The following ZDHHC2 variants were observed in gnomAD, a reference collection of about 807,000 sequenced individuals.
ZDHHC2 encodes the protein zDHHC palmitoyltransferase 2, also known as palmitoyltransferase ZDHHC2.
A neutral mutation model predicts 55.6 loss-of-function variants in ZDHHC2; 51 were observed. That is an observed-to-expected ratio of 0.92 (90% CI 0.73 to 1.16). The LOEUF (loss-of-function observed/expected upper bound fraction) is 1.16, where lower values mean the gene tolerates loss of function less well. Ranked by LOEUF, ZDHHC2 falls within the 50% of genes most tolerant of loss-of-function variation. The pLI, the probability that ZDHHC2 is intolerant of heterozygous loss-of-function variation, is 0.00. For missense variants in ZDHHC2, 491 were observed against 442.4 expected (o/e 1.11, Z -0.99); for synonymous variants, 199 against 152.9 (o/e 1.30, Z -2.22).
chr8:17,185,659 C>CA (rs1483503137), intron 2 of ZDHHC2, among the ~76,000 whole-genome samples: 1 of 150,794 alleles, frequency 6.6e-6, no homozygotes, highest in East Asian at 2.0e-4. Flanking sequence ...GACCCTGTCT[C>CA]AAAAAAAAGG....
Position 17,195,503 on chromosome 8 carries a change from G to C in ZDHHC2, c.253-1G>C. 2 of 1,612,150 alleles carry C rather than the reference G, an allele frequency of 1.2e-6. No individual in the cohort carries two copies. The highest frequency in any genetic ancestry group is 4.5e-5 in the East Asian group (2 of 44,808). ...GATTAAGATTTAAATGTATTCCACA[G>C]TTCCATCTCTCTTATGCAGAGAAAG... is the stretch of plus-strand genomic sequence containing the variant. On this transcript the variant is annotated splice_acceptor_variant, in intron 3 of 12. Transcript: ENST00000262096. LOFTEE classifies it high-confidence loss of function.
intron 1 of ZDHHC2, among the ~76,000 whole-genome samples, chr8:17,161,631 G>A (rs1384692120): frequency 1.3e-5 from 2 of 152,174 alleles, no homozygotes; most frequent in African/African-American, 2.4e-5. Flanking sequence ...GCCAAGGTGG[G>A]AGGATCACTT....
In ZDHHC2 at chr8:17,170,877, A is replaced by G. The variant is rs556179184; in HGVS notation, c.131-13912A>G. On this transcript the variant is annotated intron_variant, in intron 1 of 12. Coordinates refer to ENST00000262096, the MANE Select transcript of ZDHHC2 (RefSeq NM_016353.5). ...TACCAATAAATAAATACATCCACAC[A>G]TATATAAGAAAGTTGAGTGTTACAT... Among the ~76,000 whole-genome samples, 6 of 152,352 alleles carry G rather than the reference A, an allele frequency of 3.9e-5. No individual in the cohort carries two copies. The South Asian group carries it at 1.2e-3, about 32-fold the overall frequency.
intron 1 of ZDHHC2, among the ~76,000 whole-genome samples, chr8:17,163,433 G>C (rs1294253813): frequency 1.3e-5 from 2 of 152,168 alleles, no homozygotes; most frequent in African/African-American, 4.8e-5. Context: ...AAAGACAAAT[G>C]TATCCCATAG....
At chr8:17,177,393 A>T (rs1805195597) in intron 1 of ZDHHC2, among the ~76,000 whole-genome samples, 1 of 152,242 alleles carries the variant, frequency 6.6e-6, no homozygotes, top group Admixed American at 6.5e-5. Context: ...GTCAGGGGAC[A>T]GACTTTGTTG....
chr8:17,212,321 C>T (rs1175757907), intron 10 of ZDHHC2, among the ~76,000 whole-genome samples: 1 of 152,100 alleles, frequency 6.6e-6, no homozygotes, highest in African/African-American at 2.4e-5. Flanking sequence ...TAAACAGGTT[C>T]AGAGCAGAAC....
At chr8:17,204,483 C>A (rs1806989974) in intron 6 of ZDHHC2, among the ~76,000 whole-genome samples, 1 of 152,184 alleles carries the variant, frequency 6.6e-6, no homozygotes, top group Non-Finnish European at 1.5e-5. Context: ...TAGCCAATTC[C>A]ACATGGGTGA....
intron 1 of ZDHHC2, among the ~76,000 whole-genome samples, chr8:17,160,082 C>G (rs1194958136): frequency 6.6e-6 from 1 of 152,202 alleles, no homozygotes; most frequent in Non-Finnish European, 1.5e-5. Flanking sequence ...AGCGAGCACA[C>G]GACGTGGTTT....
chr8:17,188,273 G>T (rs944986011), intron 3 of ZDHHC2, among the ~76,000 whole-genome samples: 1 of 152,016 alleles, frequency 6.6e-6, no homozygotes, highest in African/African-American at 2.4e-5. Context: ...AAGCTGGAGT[G>T]GTCCTCCTAA....
chr8:17,160,151 C>A (rs1387731337), intron 1 of ZDHHC2, among the ~76,000 whole-genome samples: 1 of 152,192 alleles, frequency 6.6e-6, no homozygotes, highest in East Asian at 1.9e-4. Flanking sequence ...GAAGAAGGTT[C>A]ACTGAAGTTT....
chr8:17,200,428 C>G (rs1806694871), intron 6 of ZDHHC2, among the ~76,000 whole-genome samples: 1 of 152,210 alleles, frequency 6.6e-6, no homozygotes, highest in Non-Finnish European at 1.5e-5. Context: ...CCATGTTAAG[C>G]ACCCTCCTTT....
Position 17,156,879 on chromosome 8 carries a change from CCCCAGCGCAGCGCAG to C in ZDHHC2, c.130+31_130+45del, listed in dbSNP as rs1465968944. 9 of 1,481,710 alleles carry C rather than the reference CCCCAGCGCAGCGCAG, an allele frequency of 6.1e-6. No homozygotes were observed. The African/African-American group carries it at 1.3e-4, about 22-fold the overall frequency. 91.8% of individuals were successfully genotyped at this position (1,481,710 alleles called of 1,614,324 possible). ...GTGAGTGCGCCCCCCGCCGCGGCGC[CCCCAGCGCAGCGCAG>C]CCCACCCCGACTGTCCCGGGACGCT... On this transcript the variant is annotated intron_variant, in intron 1 of 12. Transcript: ENST00000262096.
Position 17,169,826 on chromosome 8 carries a change from T to C in ZDHHC2, c.130+12973T>C, listed in dbSNP as rs181086206. Among the ~76,000 whole-genome samples the C allele has an allele frequency of 7.9e-5, 12 of 152,282 alleles. No homozygotes were observed. In the East Asian group the frequency reaches 1.7e-3, roughly 22 times the overall value. On this transcript the variant is annotated intron_variant, in intron 1 of 12. Transcript: ENST00000262096. The stretch of plus-strand genomic sequence containing the variant: ...CAGAGGAAGAGACTCATTCCAAATA[T>C]TGATGACTGGATTCTTCAATTCCTT...
At chr8:17,193,789 T>C (rs544901952) in intron 3 of ZDHHC2, among the ~76,000 whole-genome samples, 1 of 152,316 alleles carries the variant, frequency 6.6e-6, no homozygotes, top group East Asian at 1.9e-4. Flanking sequence ...TTTATTATAC[T>C]TTAAGTTCTG....
intron 12 of ZDHHC2, among the ~76,000 whole-genome samples, chr8:17,219,083 C>T (rs1045049560): frequency 6.6e-6 from 1 of 151,670 alleles, no homozygotes; most frequent in Admixed American, 6.6e-5. Context: ...AACCCCATCT[C>T]TACTAAAAAT....
chr8:17,174,150 C>A (rs1049373423), intron 1 of ZDHHC2, among the ~76,000 whole-genome samples: 3 of 150,576 alleles, frequency 2.0e-5, no homozygotes, highest in Non-Finnish European at 2.9e-5. Context: ...AATACAGTGG[C>A]GTAATCACAG....
intron 1 of ZDHHC2, among the ~76,000 whole-genome samples, chr8:17,172,755 G>C (rs1376595485): frequency 6.6e-6 from 1 of 152,132 alleles, no homozygotes; most frequent in Admixed American, 6.5e-5. Context: ...TGCCTGTGTA[G>C]TACAAATTGG....
chr8:17,205,222 A>G (rs968584256), intron 6 of ZDHHC2, among the ~76,000 whole-genome samples: 1 of 152,180 alleles, frequency 6.6e-6, no homozygotes, highest in African/African-American at 2.4e-5. Flanking sequence ...GCAAAGAGTA[A>G]TTTGTGAAGA....
intron 6 of ZDHHC2, among the ~76,000 whole-genome samples, chr8:17,199,572 T>TTCTTCTTTATTC (rs1563161450): frequency 5.2e-5 from 4 of 76,366 alleles, no homozygotes; most frequent in Non-Finnish European, 1.1e-4. Context: ...TTCTTCGTCT[T>TTCTTCTTTATTC]TGTCTTCTTC....
Sources: gnomAD v4.1 joint callset for allele counts (sites outside exome capture counted in the v4.1 genomes callset) on GRCh38, gnomAD v4.1.1 for gene constraint, MANE v1.5 for transcripts, NCBI Gene and HGNC (gene_info 2026-07-23, HGNC 2026-07-21) for gene names.